CELF2: variants seen among roughly 807,000 people sequenced by gnomAD.
CELF2 encodes CUG triplet repeat RNA-binding protein 2.
In CELF2, 8 loss-of-function variants were observed where a neutral mutation model predicts 62.6. The ratio of observed to expected loss-of-function variants is 0.13; its 90% CI spans 0.07 to 0.23. CELF2 has a LOEUF of 0.23. CELF2 is among the 10% of genes least tolerant of loss of function. CELF2 has a pLI of 1.00. For missense variants in CELF2, 333 were observed against 671.0 expected (o/e 0.50, Z 5.56); for synonymous variants, 258 against 250.0 (o/e 1.03, Z -0.30).
At chr10:10,780,025 G>A in the CELF2 span, among the ~76,000 whole-genome samples, 1 of 152,166 alleles carries the variant, frequency 6.6e-6, no homozygotes, top group South Asian at 2.1e-4. Context: ...GGGAGAGATG[G>A]ACTAGTGGGT....
the CELF2 span, among the ~76,000 whole-genome samples, chr10:10,599,708 T>C: frequency 2.0e-5 from 3 of 151,304 alleles, no homozygotes; most frequent in Admixed American, 6.6e-5. Context: ...GTTTCGTCTC[T>C]GCCCTTTTCT....
chr10:10,602,568 A>G, the CELF2 span, among the ~76,000 whole-genome samples: 66 of 152,172 alleles, frequency 4.3e-4, no homozygotes, highest in Non-Finnish European at 8.7e-4. Context: ...ACGGATACTC[A>G]CTGAGTGTCA....
the CELF2 span, among the ~76,000 whole-genome samples, chr10:10,615,714 T>C: frequency 6.6e-6 from 1 of 152,156 alleles, no homozygotes; most frequent in African/African-American, 2.4e-5. Flanking sequence ...CTCTTCCTCC[T>C]GCTCCCACCA....
the CELF2 span, among the ~76,000 whole-genome samples, chr10:10,517,548 C>T: frequency 6.6e-6 from 1 of 152,286 alleles, no homozygotes; most frequent in African/African-American, 2.4e-5. Context: ...GGCCAATACT[C>T]AGGGCCCATA....
rs1464963584 is a variant in CELF2, at chr10:11,075,563, C to T, written c.74+57400C>T. The stretch of plus-strand genomic sequence containing the variant: ...CTCTAAGAAACTCAAAAGAAGGCTG[C>T]TGTGTAAATTAAGTGGATTATTGCT... On this transcript the variant is annotated intron_variant, in intron 1 of 12. Transcript: ENST00000633077. This position sits in a 1 kb window ranked among gnomAD's most constrained non-coding sequence, Gnocchi z 5.4. Among the ~76,000 whole-genome samples, 3 of 152,134 alleles carry T rather than the reference C, an allele frequency of 2.0e-5. No homozygotes were observed. The highest frequency in any genetic ancestry group is 4.1e-4 in the South Asian group (2 of 4,820).
At chr10:11,023,419 A>G (rs1010497034) in intron 1 of CELF2, among the ~76,000 whole-genome samples, 2 of 152,256 alleles carry the variant, frequency 1.3e-5, no homozygotes, top group African/African-American at 2.4e-5. Flanking sequence ...CTATGTGGGA[A>G]ACAAAAACTA....
At chr10:10,674,656 T>C in the CELF2 span, among the ~76,000 whole-genome samples, 2 of 152,278 alleles carry the variant, frequency 1.3e-5, no homozygotes, top group Admixed American at 6.5e-5. Context: ...GATATGACTC[T>C]ATTTTCTCTC....
At chr10:10,480,432 G>A in the CELF2 span, among the ~76,000 whole-genome samples, 287 of 152,270 alleles carry the variant, frequency 1.9e-3, 3 homozygotes, top group African/African-American at 6.5e-3. Context: ...CTGACCCACT[G>A]TGTGGCTCTC....
At chr10:10,811,069 G>A (rs11817405) in intron 1 of CELF2, among the ~76,000 whole-genome samples, 1,700 of 152,210 alleles carry the variant, frequency 0.011, 33 homozygotes, top group African/African-American at 0.039. Context: ...ACATGTGTTC[G>A]GAGCCTTGGA....
At chr10:11,147,439 G>A (rs113822799) in intron 1 of CELF2, among the ~76,000 whole-genome samples, 2,312 of 152,208 alleles carry the variant, frequency 0.015, 81 homozygotes, top group African/African-American at 0.053. Flanking sequence ...AGAGGTAGAA[G>A]TAATTAAAAA....
intron 1 of CELF2, among the ~76,000 whole-genome samples, chr10:11,134,804 T>G (rs1261692440): frequency 6.6e-6 from 1 of 152,116 alleles, no homozygotes; most frequent in Non-Finnish European, 1.5e-5. Flanking sequence ...GCCTCCACCT[T>G]GTTAGAGTTC....
intron 3 of CELF2, among the ~76,000 whole-genome samples, chr10:11,248,683 C>T (rs1329047855): frequency 6.6e-6 from 1 of 152,190 alleles, no homozygotes; most frequent in African/African-American, 2.4e-5. Context: ...ATTTTCAACG[C>T]ATCTTAGCCT....
intron 1 of CELF2, among the ~76,000 whole-genome samples, chr10:11,086,363 T>C (rs930799373): frequency 6.6e-6 from 1 of 151,992 alleles, no homozygotes; most frequent in African/African-American, 2.4e-5. Flanking sequence ...GCTGCGTCTT[T>C]GTGTCTGCTC....
intron 2 of CELF2, among the ~76,000 whole-genome samples, chr10:10,939,155 A>T (rs1464686251): frequency 6.8e-4 from 53 of 78,120 alleles, no homozygotes; most frequent in Middle Eastern, 6.5e-3. Flanking sequence ...TGTGGCCGCT[A>T]TTGTAACCCC....
At chr10:10,652,979 G>A in the CELF2 span, among the ~76,000 whole-genome samples, 18,317 of 151,828 alleles carry the variant, frequency 0.12, 1,359 homozygotes, top group Non-Finnish European at 0.17. Flanking sequence ...CCCATCTCAT[G>A]TGCAGAGACA....
chr10:10,686,947 T>C, the CELF2 span, among the ~76,000 whole-genome samples: 9 of 152,122 alleles, frequency 5.9e-5, no homozygotes, highest in East Asian at 3.9e-4. Context: ...ACCTTCTTGA[T>C]GAAATCTTAC....
intron 1 of CELF2, among the ~76,000 whole-genome samples, chr10:10,867,823 C>CT (rs2060482362): frequency 6.6e-6 from 1 of 152,242 alleles, no homozygotes; most frequent in African/African-American, 2.4e-5. Context: ...AGATTTATAG[C>CT]TTAAACATCA....
At chr10:11,206,000 T>G (rs17149833) in intron 2 of CELF2, among the ~76,000 whole-genome samples, 1 of 152,194 alleles carries the variant, frequency 6.6e-6, no homozygotes, top group South Asian at 2.1e-4. Context: ...GGAAGTAGAT[T>G]ATGACGTCCT....
At chr10:10,977,757 T>C (rs189157508) in intron 2 of CELF2, among the ~76,000 whole-genome samples, 1 of 152,364 alleles carries the variant, frequency 6.6e-6, no homozygotes, top group East Asian at 1.9e-4. Flanking sequence ...TTCACTGTCA[T>C]GTGCCCTGGA....
Sources: allele counts gnomAD v4.1 joint callset (sites outside exome capture counted in the v4.1 genomes callset), GRCh38; gene constraint gnomAD v4.1.1; non-coding constraint Gnocchi (gnomAD v3.1); transcripts MANE v1.5; gene names NCBI Gene and HGNC (gene_info 2026-07-23, HGNC 2026-07-21).